Variants in CERS6 observed in about 807,000 individuals in gnomAD.
CERS6 encodes the protein LAG1 homolog, ceramide synthase 6.
In CERS6, 26 loss-of-function variants were observed where a neutral mutation model predicts 56.8. The observed-to-expected ratio is 0.46, with a 90% CI of 0.34 to 0.63. The LOEUF (loss-of-function observed/expected upper bound fraction) is 0.63. Among genes scored for constraint, CERS6 ranks in the 30% least tolerant of loss-of-function variants. The pLI, the probability that CERS6 is intolerant of heterozygous loss-of-function variation, is 0.01. For missense variants in CERS6, 415 were observed against 467.5 expected, an observed-to-expected ratio of 0.89 and a Z score of 1.04; for synonymous variants, 164 against 173.3, an observed-to-expected ratio of 0.95 and a Z score of 0.42.
chr2:168,774,644 A>C lies in CERS6; in HGVS notation c.*4982A>C, dbSNP rs890338414. 1 of 148,758 alleles carries C rather than the reference A, an allele frequency of 6.7e-6. No individual in the cohort carries two copies. Among genetic ancestry groups the C allele is most frequent in the East Asian group, 1.9e-4 (1 of 5,160 alleles). 9.2% of individuals were successfully genotyped at this position (148,758 alleles called of 1,614,324 possible). A position where few individuals can be genotyped will look rare whatever the true frequency, so the allele number is the denominator to read the frequency against. ...CCTTAGGAAAATAAGATTACCTGCA[A>C]AAAAAAAAAAGAAATGAGTTATGGA... On this transcript the variant is annotated 3_prime_UTR_variant, in exon 10 of 10. Coordinates refer to ENST00000305747, the MANE Select transcript of CERS6 (RefSeq NM_203463.3).
At chr2:168,645,151 A>AGAGAGG (rs1685161251) in intron 4 of CERS6, among the ~76,000 whole-genome samples, 1 of 65,832 alleles carries the variant, frequency 1.5e-5, no homozygotes, top group Non-Finnish European at 2.6e-5. Flanking sequence ...ATAGAGAGAG[A>AGAGAGG]GAGAGAGAGA....
chr2:168,727,481 G>A (rs1399169710), intron 8 of CERS6, among the ~76,000 whole-genome samples: 1 of 150,708 alleles, frequency 6.6e-6, no homozygotes, highest in Non-Finnish European at 1.5e-5. Context: ...CCTGGGAGGC[G>A]AAGGTTGCAG....
At chr2:168,466,246 A>T (rs1481499158) in intron 1 of CERS6, among the ~76,000 whole-genome samples, 1 of 151,902 alleles carries the variant, frequency 6.6e-6, no homozygotes, top group Non-Finnish European at 1.5e-5. Flanking sequence ...TGTGTAGAAG[A>T]GGAGAGCAAA....
At chr2:168,538,216 T>G (rs1429508860) in intron 1 of CERS6, among the ~76,000 whole-genome samples, 1 of 150,842 alleles carries the variant, frequency 6.6e-6, no homozygotes, top group Admixed American at 6.6e-5. Flanking sequence ...CTGAAGAAGC[T>G]TCCTACCTCA....
intron 4 of CERS6, among the ~76,000 whole-genome samples, chr2:168,688,415 C>CAAA (rs55913069): frequency 2.2e-5 from 3 of 135,396 alleles, no homozygotes; most frequent in Non-Finnish European, 3.1e-5. Context: ...GACTCCGTCT[C>CAAA]AAAAAAAAAA....
chr2:168,728,071 G>A lies in CERS6; in HGVS notation c.845+10093G>A, dbSNP rs898511155. On this transcript the variant is annotated intron_variant, in intron 8 of 9. Transcript: ENST00000305747. ...AAAGTATGGCCTGTAGGACAAAGCA[G>A]CCCACTGTCTGTTTGTATCAGTAAA... Among the ~76,000 whole-genome samples, 6 of 152,186 alleles carry A rather than the reference G, an allele frequency of 3.9e-5. No individual in the cohort carries two copies. The South Asian group carries it at 8.3e-4, about 21-fold the overall frequency.
At chr2:168,487,703 C>T (rs996915658) in intron 1 of CERS6, among the ~76,000 whole-genome samples, 1 of 151,986 alleles carries the variant, frequency 6.6e-6, no homozygotes, top group African/African-American at 2.4e-5. Context: ...ACCACATAAG[C>T]TATTACTTTT....
At chr2:168,682,623 C>G (rs1686248441) in intron 4 of CERS6, among the ~76,000 whole-genome samples, 1 of 152,072 alleles carries the variant, frequency 6.6e-6, no homozygotes, top group African/African-American at 2.4e-5. Flanking sequence ...CAGAGGTCAT[C>G]TAGACACAGG....
At chr2:168,517,424 G>A (rs1023407207) in intron 1 of CERS6, among the ~76,000 whole-genome samples, 16 of 151,662 alleles carry the variant, frequency 1.1e-4, no homozygotes, top group South Asian at 2.1e-4. Context: ...CCCAGGAAGC[G>A]GAGGTCACAG....
intron 3 of CERS6, among the ~76,000 whole-genome samples, chr2:168,571,750 G>T: frequency 6.6e-6 from 1 of 152,284 alleles, no homozygotes; most frequent in South Asian, 2.1e-4. Context: ...CATGCCACAT[G>T]TAATAATCAG....
rs559328616 is a variant in CERS6 at position 168,561,781 on chromosome 2, GTT to G, written c.407+461_407+462del. Among the ~76,000 whole-genome samples the G allele has an allele frequency of 2.7e-3, 404 of 152,256 alleles. 4 individuals are homozygous for G. Among genetic ancestry groups the G allele is most frequent in the African/African-American group, 9.0e-3 (372 of 41,562 alleles). ...ATGGCTCTATTATATTTCTGGGTGA[GTT>G]TAATGAAGCATTGCTTGAAGTTGGG... is the stretch of plus-strand genomic sequence containing the variant. On this transcript the variant is annotated intron_variant, in intron 3 of 9. Coordinates refer to ENST00000305747, the MANE Select transcript of CERS6 (RefSeq NM_203463.3).
chr2:168,765,696 T>G lies in CERS6; in HGVS notation c.950T>G (p.Phe317Cys). The change falls in exon 9 of 10, where the codon TTC (phenylalanine) becomes TGC (cysteine). Residue 317 changes from phenylalanine (F) to cysteine (C), a missense_variant. Phe to Cys is a radical substitution (Grantham distance 205). Transcript: ENST00000305747. ...TTGCTAGTACAAGGGTTGAACTGCT[T>G]CTGGTCTTACTTGATTGTGAAAATA... ...LLLLVQGLNC[F>C]WSYLIVKIAC... The G allele has an allele frequency of 6.2e-7, 1 of 1,614,082 alleles. No homozygotes were observed. Among genetic ancestry groups the G allele is most frequent in the South Asian group, 1.1e-5 (1 of 91,058 alleles).
rs544003568 is a variant in CERS6 at position 168,673,377 on chromosome 2, T to C, written c.466-17657T>C. Among the ~76,000 whole-genome samples the C allele has an allele frequency of 9.2e-5, 14 of 152,082 alleles. No individual in the cohort carries two copies. In the South Asian group the frequency reaches 2.7e-3, roughly 29 times the overall value. On this transcript the variant is annotated intron_variant, in intron 4 of 9. Transcript: ENST00000305747. The stretch of plus-strand genomic sequence containing the variant: ...CTTAATATTATCAGTGATTCAAAAG[T>C]CTAAATTACACTGGATAAATTGGGT...
At chr2:168,675,769 C>A (rs766720434) in intron 4 of CERS6, among the ~76,000 whole-genome samples, 19 of 151,960 alleles carry the variant, frequency 1.3e-4, no homozygotes, top group Non-Finnish European at 2.4e-4. Context: ...TCACTGCAAC[C>A]TCCACCTCCC....
intron 5 of CERS6, among the ~76,000 whole-genome samples, chr2:168,694,531 C>T (rs1217841772): frequency 6.6e-6 from 1 of 152,166 alleles, no homozygotes; most frequent in Non-Finnish European, 1.5e-5. Flanking sequence ...GAACTTAAAT[C>T]TATGCCTCAG....
intron 4 of CERS6, among the ~76,000 whole-genome samples, chr2:168,674,497 T>G (rs1351920193): frequency 4.6e-5 from 7 of 152,232 alleles, no homozygotes; most frequent in Non-Finnish European, 8.8e-5. Flanking sequence ...AGGGTGTACA[T>G]TAATTGGGTA....
intron 8 of CERS6, among the ~76,000 whole-genome samples, chr2:168,732,941 A>G (rs1478277854): frequency 6.6e-6 from 1 of 152,164 alleles, no homozygotes; most frequent in Non-Finnish European, 1.5e-5. Flanking sequence ...ATAAATATAT[A>G]TATATCAAAT....
chr2:168,539,422 G>T (rs1183283214), intron 1 of CERS6, among the ~76,000 whole-genome samples: 1 of 152,132 alleles, frequency 6.6e-6, no homozygotes, highest in Non-Finnish European at 1.5e-5. Context: ...AATTGAAAGG[G>T]TTATTGTTGA....
At chr2:168,576,416 G>A (rs1042361212) in intron 3 of CERS6, among the ~76,000 whole-genome samples, 5 of 152,002 alleles carry the variant, frequency 3.3e-5, no homozygotes, top group African/African-American at 9.7e-5. Context: ...TATGCCCAGC[G>A]GTCTTGTAAG....
Sources: allele counts gnomAD v4.1 joint callset (sites outside exome capture counted in the v4.1 genomes callset), GRCh38; gene constraint gnomAD v4.1.1; transcripts MANE v1.5; gene names NCBI Gene and HGNC (gene_info 2026-07-23, HGNC 2026-07-21).